The following IL17RD variants were observed in gnomAD, a reference collection of about 807,000 sequenced individuals.
IL17RD encodes the protein interleukin 17 receptor D.
Under a neutral mutation model 80.5 loss-of-function variants are expected in IL17RD, and 52 were observed. That is an observed-to-expected ratio of 0.65 (90% confidence interval 0.52 to 0.81). The LOEUF is 0.81. Ranked by LOEUF, IL17RD falls within the 40% of genes least tolerant of loss-of-function variation. The pLI is 0.00. For missense variants in IL17RD, 1,024 were observed against 955.1 expected (o/e 1.07, Z -0.95); for synonymous variants, 416 against 391.8 (o/e 1.06, Z -0.73).
chr3:57,130,735 C>G, intron 1 of IL17RD, among the ~76,000 whole-genome samples: 1 of 152,200 alleles, frequency 6.6e-6, no homozygotes. Flanking sequence ...TCCATCTAGT[C>G]TCTTAGATAG....
rs1342381648 is a variant in IL17RD at position 57,093,447 on chromosome 3, CTTAT to C, written c.*2942_*2945del. 6.6e-6 allele frequency: 1 copy of C among 152,108 alleles called. No individual in the cohort carries two copies. Among genetic ancestry groups the C allele is most frequent in the Non-Finnish European group, 1.5e-5 (1 of 68,018 alleles). 9.4% of individuals were successfully genotyped at this position (152,108 alleles called of 1,614,324 possible). A position where few individuals can be genotyped will look rare whatever the true frequency, so the allele number is the denominator to read the frequency against. On this transcript the variant is annotated 3_prime_UTR_variant, in exon 13 of 13. Transcript: ENST00000296318. The stretch of plus-strand genomic sequence containing the variant: ...AGGAATAAAATTGGTCCTCTTGCCC[CTTAT>C]TTCTTTTAAAAGAAAAGATGCTCAA...
At chr3:57,160,070 G>A (rs1000830193) in intron 1 of IL17RD, among the ~76,000 whole-genome samples, 1 of 152,208 alleles carries the variant, frequency 6.6e-6, no homozygotes. Flanking sequence ...TACTCGGGAG[G>A]CTGAGGCAGG....
chr3:57,113,485 C>T lies in IL17RD; in HGVS notation c.310+1207G>A, dbSNP rs1462804634. Among the ~76,000 whole-genome samples, 4 of 152,270 alleles carry T rather than the reference C, an allele frequency of 2.6e-5. No individual in the cohort carries two copies. In the South Asian group the frequency reaches 8.3e-4, roughly 32 times the overall value. On this transcript the variant is annotated intron_variant, in intron 3 of 12. Coordinates refer to ENST00000296318, the MANE Select transcript of IL17RD (RefSeq NM_017563.5). Reference sequence around the variant, plus strand: ...CTCCTGACCTCAGGTGATCCACCTGCCTCGGCCTCCCTAAGTGCTGGAATT... The same window carrying T: ...CTCCTGACCTCAGGTGATCCACCTGTCTCGGCCTCCCTAAGTGCTGGAATT...
Position 57,093,132 on chromosome 3 carries a change from C to G in IL17RD, c.*3261G>C, listed in dbSNP as rs886417118. 1 of 152,162 alleles carries G rather than the reference C, an allele frequency of 6.6e-6. No homozygotes were observed. The highest frequency in any genetic ancestry group is 2.4e-5 in the African/African-American group (1 of 41,434). The allele number at this position is 152,162 out of a possible 1,614,324, so 9.4% of individuals were successfully genotyped here. ...TCCCCACCATTCCCTATTGCTGACA[C>G]AGACAAAGTATATTAATTACCATTT... On this transcript the variant is annotated 3_prime_UTR_variant, in exon 13 of 13. Transcript: ENST00000296318.
rs1307496392 is a variant in IL17RD at position 57,092,744 on chromosome 3, T to C, written c.*3649A>G. On this transcript the variant is annotated 3_prime_UTR_variant, in exon 13 of 13. Coordinates refer to ENST00000296318, the MANE Select transcript of IL17RD (RefSeq NM_017563.5). ...CCAGTGCATTCAGAATCACGTCAAA[T>C]TTCTTTGCGGGGGAGACTGGAGAAA... 6.6e-6 allele frequency: 1 copy of C among 152,184 alleles called. No homozygotes were observed. Among genetic ancestry groups the C allele is most frequent in the Non-Finnish European group, 1.5e-5 (1 of 68,040 alleles). 9.4% of individuals were successfully genotyped at this position (152,184 alleles called of 1,614,324 possible).
At chr3:57,149,809 T>C (rs1371438814) in intron 1 of IL17RD, among the ~76,000 whole-genome samples, 1 of 152,222 alleles carries the variant, frequency 6.6e-6, no homozygotes, top group African/African-American at 2.4e-5. Context: ...CTCTCATAGC[T>C]GGGCAGCTCT....
At chr3:57,097,474 T>C in intron 12 of IL17RD, 122 bp downstream of exon 12, 1 of 723,200 alleles carries the variant, frequency 1.4e-6, no homozygotes, top group South Asian at 1.7e-5. Flanking sequence ...AAACGAGCTG[T>C]GTTCTCATCA....
chr3:57,127,241 AATATATATAT>A (rs1301379672), intron 1 of IL17RD, among the ~76,000 whole-genome samples: 28 of 97,834 alleles, frequency 2.9e-4, no homozygotes, highest in African/African-American at 1.2e-3. Context: ...AAAATATATA[AATATATATAT>A]AAATATATAT....
intron 1 of IL17RD, among the ~76,000 whole-genome samples, chr3:57,158,953 G>T (rs969985501): frequency 6.6e-6 from 1 of 152,172 alleles, no homozygotes; most frequent in Non-Finnish European, 1.5e-5. Flanking sequence ...GGTAGAATCT[G>T]CAAATAGAGA....
chr3:57,136,538 C>G (rs1444039343), intron 1 of IL17RD, among the ~76,000 whole-genome samples: 1 of 150,520 alleles, frequency 6.6e-6, no homozygotes, highest in African/African-American at 2.4e-5. Context: ...AGGAGGATCT[C>G]TTGAGCCCAG....
At chr3:57,097,404 A>T in intron 12 of IL17RD, 192 bp downstream of exon 12, 1 of 607,116 alleles carries the variant, frequency 1.6e-6, no homozygotes, top group East Asian at 2.8e-5. Context: ...ATTTAGCATT[A>T]GTATTTCTGC....
At chr3:57,133,015 A>G (rs1166449112) in intron 1 of IL17RD, among the ~76,000 whole-genome samples, 2 of 152,300 alleles carry the variant, frequency 1.3e-5, no homozygotes, top group South Asian at 2.1e-4. Flanking sequence ...TAAAATTCCA[A>G]CTTTCCAAAA....
chr3:57,151,606 C>G (rs951240716), intron 1 of IL17RD, among the ~76,000 whole-genome samples: 3 of 151,956 alleles, frequency 2.0e-5, no homozygotes, highest in Non-Finnish European at 4.4e-5. Context: ...AAGATGGGAC[C>G]CCTAAATCAG....
chr3:57,119,669 CCTTGTGTG>C, intron 2 of IL17RD, among the ~76,000 whole-genome samples: 1 of 18,050 alleles, frequency 5.5e-5, no homozygotes, highest in Middle Eastern at 0.038. Flanking sequence ...CACAGATTCA[CCTTGTGTG>C]AATTTCACAC....
At chr3:57,107,354 G>C (rs1183075291) in intron 5 of IL17RD, among the ~76,000 whole-genome samples, 1 of 151,084 alleles carries the variant, frequency 6.6e-6, no homozygotes, top group Non-Finnish European at 1.5e-5. Flanking sequence ...ACTCCAGCCT[G>C]GGCGACAGAG....
rs1706541605 is a variant in IL17RD at position 57,091,000 on chromosome 3, G to A, written c.*5393C>T. 1 of 152,520 alleles carries A rather than the reference G, an allele frequency of 6.6e-6. No homozygotes were observed. Among genetic ancestry groups the A allele is most frequent in the Non-Finnish European group, 1.5e-5 (1 of 68,046 alleles). 9.4% of individuals were successfully genotyped at this position (152,520 alleles called of 1,614,324 possible). On this transcript the variant is annotated 3_prime_UTR_variant, in exon 13 of 13. Transcript: ENST00000296318. Reference sequence around the variant, plus strand: ...AATTTTAAAGAACAAAAGGGCAAGAGGGAAGACAACTGGCCAAAATTCCCC... The same window carrying A: ...AATTTTAAAGAACAAAAGGGCAAGAAGGAAGACAACTGGCCAAAATTCCCC...
At chr3:57,116,854 G>A (rs577596033) in intron 2 of IL17RD, among the ~76,000 whole-genome samples, 2 of 147,898 alleles carry the variant, frequency 1.4e-5, no homozygotes, top group Admixed American at 1.4e-4. Context: ...TATTCAGCCT[G>A]TAAAAATCCT....
At chr3:57,137,521 G>A (rs1240309660) in intron 1 of IL17RD, among the ~76,000 whole-genome samples, 2 of 152,222 alleles carry the variant, frequency 1.3e-5, no homozygotes, top group African/African-American at 4.8e-5. Flanking sequence ...AAGGACCCAA[G>A]AATTGAACAG....
rs1187787805 is a variant in IL17RD, at chr3:57,091,326, T to C, written c.*5067A>G. On this transcript the variant is annotated 3_prime_UTR_variant, in exon 13 of 13. Transcript: ENST00000296318. ...GAAAACAAACACAAGTTATGATAGA[T>C]GACTATCATCAGGGGAAAAATGTGG... 6.6e-6 allele frequency: 1 copy of C among 152,644 alleles called. No individual in the cohort carries two copies. The highest frequency in any genetic ancestry group is 2.4e-5 in the African/African-American group (1 of 41,450). The allele number at this position is 152,644 out of a possible 1,614,324, so 9.5% of individuals were successfully genotyped here.
Sources: gnomAD v4.1 joint callset for allele counts (sites outside exome capture counted in the v4.1 genomes callset) on GRCh38, gnomAD v4.1.1 for gene constraint, MANE v1.5 for transcripts, NCBI Gene and HGNC (gene_info 2026-07-23, HGNC 2026-07-21) for gene names.